The following NTM variants were observed in gnomAD, a reference collection of about 807,000 sequenced individuals.
NTM encodes the protein IgLON family member 2.
NTM carries 13 observed loss-of-function variants against 42.1 expected under a neutral mutation model. That is an observed-to-expected ratio of 0.31 (90% CI 0.20 to 0.49). The LOEUF (loss-of-function observed/expected upper bound fraction) is 0.49, where lower values mean the gene tolerates loss of function less well. Among genes scored for constraint, NTM ranks in the 20% least tolerant of loss-of-function variants. The pLI is 0.99. For synonymous variants in NTM, 187 were observed against 179.2 expected (o/e 1.04, Z -0.35); for missense variants, 373 against 452.8 (o/e 0.82, Z 1.60).
At chr11:132,010,218 C>T (rs889436206) in intron 2 of NTM, among the ~76,000 whole-genome samples, 1 of 152,168 alleles carries the variant, frequency 6.6e-6, no homozygotes, top group Non-Finnish European at 1.5e-5. Context: ...TTTCTCCCTC[C>T]TATAAAACAT....
intron 3 of NTM, among the ~76,000 whole-genome samples, chr11:132,149,910 C>T (rs2071472910): frequency 6.6e-6 from 1 of 152,202 alleles, no homozygotes; most frequent in Non-Finnish European, 1.5e-5. Context: ...TTTACTTCTT[C>T]AGTCACACTA....
chr11:132,160,555 A>G (rs1330407484), intron 3 of NTM, among the ~76,000 whole-genome samples: 1 of 152,166 alleles, frequency 6.6e-6, no homozygotes, highest in Non-Finnish European at 1.5e-5. Flanking sequence ...ATCACGCTAC[A>G]CTCACGGTAG....
At position 131,873,588 on chromosome 11, in the gene NTM, G is replaced by A. The variant is rs61901685; in HGVS notation, c.83-37976G>A. Reference sequence around the variant, plus strand: ...GTATATATATACATATATATATACCGTATATATATACATATATATATACCG... The same window carrying A: ...GTATATATATACATATATATATACCATATATATATACATATATATATACCG... On this transcript the variant is annotated intron_variant, in intron 1 of 8. Transcript: ENST00000683400. 1.2e-3 allele frequency among the ~76,000 whole-genome samples: 44 copies of A among 35,562 alleles called. 2 individuals are homozygous for A. The highest frequency in any genetic ancestry group is 3.1e-3 in the African/African-American group (42 of 13,632). 23.3% of individuals were successfully genotyped at this position (35,562 alleles called of 152,430 possible).
chr11:132,158,565 T>C (rs917039236), intron 3 of NTM, among the ~76,000 whole-genome samples: 4 of 152,242 alleles, frequency 2.6e-5, no homozygotes, highest in Admixed American at 2.0e-4. Context: ...GGCATGTTCA[T>C]TGTTGTTTCC....
chr11:132,170,778 A>T (rs550558883), intron 3 of NTM, among the ~76,000 whole-genome samples: 56 of 152,342 alleles, frequency 3.7e-4, no homozygotes, highest in African/African-American at 1.2e-3. Flanking sequence ...CAATTTAAAA[A>T]AAATAAATAA....
intron 6 of NTM, among the ~76,000 whole-genome samples, chr11:132,310,852 C>G (rs1488400669): frequency 6.6e-6 from 1 of 152,152 alleles, no homozygotes; most frequent in Non-Finnish European, 1.5e-5. Flanking sequence ...CAGGCTTTAT[C>G]AAATGACATA....
intron 1 of NTM, among the ~76,000 whole-genome samples, chr11:131,763,323 T>A (rs1293785041): frequency 6.6e-6 from 1 of 152,130 alleles, no homozygotes; most frequent in East Asian, 1.9e-4. Context: ...CAAGATTGAG[T>A]GTCTGAATAA....
At chr11:132,180,751 T>A (rs528435947) in intron 3 of NTM, among the ~76,000 whole-genome samples, 2 of 152,184 alleles carry the variant, frequency 1.3e-5, no homozygotes, top group South Asian at 4.2e-4. Flanking sequence ...CCAGAGTTGG[T>A]GGTTCAGCTC....
At chr11:131,490,274 C>G (rs918359178) in intron 1 of NTM, among the ~76,000 whole-genome samples, 7 of 152,136 alleles carry the variant, frequency 4.6e-5, no homozygotes, top group African/African-American at 1.4e-4. Context: ...ACCAGAGCTC[C>G]CCCTAACCTG....
intron 1 of NTM, among the ~76,000 whole-genome samples, chr11:131,873,151 G>A (rs1013330511): frequency 6.6e-6 from 1 of 152,078 alleles, no homozygotes; most frequent in East Asian, 1.9e-4. Flanking sequence ...AGAAAATGTG[G>A]CACATATACA....
At chr11:131,372,278 A>G (rs973029180) in intron 1 of NTM, among the ~76,000 whole-genome samples, 1 of 151,968 alleles carries the variant, frequency 6.6e-6, no homozygotes, top group Non-Finnish European at 1.5e-5. Context: ...AAGGTGGTGA[A>G]TCTTGCAGGG....
chr11:132,234,075 A>G (rs1258937065), intron 4 of NTM, among the ~76,000 whole-genome samples: 1 of 152,180 alleles, frequency 6.6e-6, no homozygotes, highest in Non-Finnish European at 1.5e-5. Flanking sequence ...TCATTATGCA[A>G]ACAATTCTAT....
intron 2 of NTM, among the ~76,000 whole-genome samples, chr11:132,123,128 T>A (rs948978758): frequency 4.6e-5 from 7 of 152,170 alleles, no homozygotes; most frequent in Non-Finnish European, 1.0e-4. Flanking sequence ...TTTTCTCTCA[T>A]CTGCAATGAG....
chr11:131,622,697 C>T (rs1165877545), intron 1 of NTM, among the ~76,000 whole-genome samples: 1 of 152,128 alleles, frequency 6.6e-6, no homozygotes, highest in African/African-American at 2.4e-5. Flanking sequence ...CCCTAGGCCA[C>T]TGTTTTCGGT....
At chr11:131,621,693 G>A (rs1592256653) in intron 1 of NTM, among the ~76,000 whole-genome samples, 1 of 150,286 alleles carries the variant, frequency 6.7e-6, no homozygotes, top group African/African-American at 2.4e-5. Context: ...ATGGTGGCCT[G>A]TGCCTGTAGT....
At chr11:131,570,057 C>T (rs191113839) in intron 1 of NTM, among the ~76,000 whole-genome samples, 75 of 152,336 alleles carry the variant, frequency 4.9e-4, no homozygotes, top group Non-Finnish European at 9.3e-4. Context: ...TTTCTGCATT[C>T]TTCCCAGATA....
intron 1 of NTM, among the ~76,000 whole-genome samples, chr11:131,873,634 T>TAC (rs1216440733): frequency 7.8e-6 from 1 of 128,298 alleles, no homozygotes; most frequent in Non-Finnish European, 1.6e-5. Flanking sequence ...CATATATATA[T>TAC]ACACATATAT....
chr11:132,168,523 C>T (rs1032050853), intron 3 of NTM, among the ~76,000 whole-genome samples: 1 of 152,210 alleles, frequency 6.6e-6, no homozygotes, highest in African/African-American at 2.4e-5. Flanking sequence ...GTCAGCCTGG[C>T]CTCCAATCCA....
In NTM at chr11:131,964,136, A is replaced by G. The variant is rs909572055; in HGVS notation, c.167+52488A>G. ...CCCAGAAGAAGAGATATCTAAGAAC[A>G]GTCCAGAAGGGTGAGTGGACATTAA... On this transcript the variant is annotated intron_variant, in intron 2 of 8. Transcript: ENST00000683400. 3.3e-5 allele frequency among the ~76,000 whole-genome samples: 5 copies of G among 152,362 alleles called. No homozygotes were observed. The East Asian group carries it at 9.6e-4, about 29-fold the overall frequency.
Sources: allele counts gnomAD v4.1 joint callset (sites outside exome capture counted in the v4.1 genomes callset), GRCh38; gene constraint gnomAD v4.1.1; transcripts MANE v1.5; gene names NCBI Gene and HGNC (gene_info 2026-07-23, HGNC 2026-07-21).